CDKN2B-AS1: variants seen among roughly 807,000 people sequenced by gnomAD.
The protein encoded by CDKN2B-AS1 is CDKN2B antisense RNA 1 (non-protein coding).
At position 22,112,732 on chromosome 9, in the gene CDKN2B-AS1, T is replaced by C. The variant is rs570892210; in HGVS notation, n.439-14371T>C. The stretch of plus-strand genomic sequence containing the variant: ...AAACTATTATAGCAAAATTTAATCT[T>C]ATAATAATTTCTTCTTGAACTATGT... On this transcript the variant is annotated intron_variant and non_coding_transcript_variant, in intron 4 of 4. Transcript: ENST00000650946. 5.9e-5 allele frequency among the ~76,000 whole-genome samples: 9 copies of C among 152,304 alleles called. No individual in the cohort carries two copies. In the East Asian group the frequency reaches 1.5e-3, roughly 26 times the overall value.
intron 1 of CDKN2B-AS1, among the ~76,000 whole-genome samples, chr9:22,010,413 A>G (rs495490): frequency 0.067 from 10,212 of 152,286 alleles, 463 homozygotes; most frequent in Non-Finnish European, 0.1. Context: ...AAAGTGAACA[A>G]TTTTTGTTTA....
At chr9:22,058,198 A>G (rs917998245) in intron 4 of CDKN2B-AS1, among the ~76,000 whole-genome samples, 1 of 152,218 alleles carries the variant, frequency 6.6e-6, no homozygotes. Flanking sequence ...CCATCTCAAA[A>G]ATGAAACAAA....
chr9:22,012,200 G>A (rs1821537851), intron 1 of CDKN2B-AS1: 1 of 1,401,026 alleles, frequency 7.1e-7, no homozygotes, highest in Non-Finnish European at 1.0e-6. Context: ...CATCACCCTT[G>A]AGGTCGAGCC....
At chr9:22,118,123 C>T (rs934697356) in intron 4 of CDKN2B-AS1, 3 of 152,224 alleles carry the variant, frequency 2.0e-5, no homozygotes, top group Non-Finnish European at 4.4e-5. Flanking sequence ...GAGAGTTGCC[C>T]AGGGTGGGGC....
In CDKN2B-AS1 at chr9:22,039,739, A is replaced by C. The variant is rs1822826658; in HGVS notation, n.30-7012A>C. On this transcript the variant is annotated intron_variant and non_coding_transcript_variant, in intron 1 of 4. Coordinates refer to ENST00000650946, the Ensembl canonical transcript of CDKN2B-AS1. This position sits in a 1 kb window ranked among gnomAD's most constrained non-coding sequence, Gnocchi z 4.4. ...TCTCAGCTCCTAAATAAACTTTGCCAAATCTTCAGGCCCTCAAAATTTTTT... is the reference window on the plus strand; with the variant it reads ...TCTCAGCTCCTAAATAAACTTTGCCCAATCTTCAGGCCCTCAAAATTTTTT... Among the ~76,000 whole-genome samples, 1 of 152,042 alleles carries C rather than the reference A, an allele frequency of 6.6e-6. No homozygotes were observed. The highest frequency in any genetic ancestry group is 1.5e-5 in the Non-Finnish European group (1 of 67,952).
At chr9:22,096,940 C>T (rs1251302080) in intron 4 of CDKN2B-AS1, among the ~76,000 whole-genome samples, 1 of 152,060 alleles carries the variant, frequency 6.6e-6, no homozygotes, top group Non-Finnish European at 1.5e-5. Flanking sequence ...CCCAGAGATC[C>T]CTGCCCTTAT....
At position 22,042,978 on chromosome 9, in the gene CDKN2B-AS1, C is replaced by T. The variant is rs77976723; in HGVS notation, n.30-3773C>T. On this transcript the variant is annotated intron_variant and non_coding_transcript_variant, in intron 1 of 4. Transcript: ENST00000650946. ...TAGAGTTTTATGATATTCCTGTTAA[C>T]AGGCTGTCATTGTAACACTGTTTAT... Among the ~76,000 whole-genome samples the T allele has an allele frequency of 5.2e-3, 789 of 152,200 alleles. 9 individuals are homozygous for T. Among genetic ancestry groups the T allele is most frequent in the African/African-American group, 0.018 (737 of 41,550 alleles).
chr9:22,090,993 T>G (rs1343814914), intron 4 of CDKN2B-AS1, among the ~76,000 whole-genome samples: 1 of 152,206 alleles, frequency 6.6e-6, no homozygotes, highest in East Asian at 1.9e-4. Context: ...CATCTTGAAC[T>G]AATTTTTGTA....
intron 4 of CDKN2B-AS1, among the ~76,000 whole-genome samples, chr9:22,071,209 C>T (rs1358753402): frequency 6.8e-6 from 1 of 147,594 alleles, no homozygotes; most frequent in Non-Finnish European, 1.5e-5. Flanking sequence ...AAGTGACTTG[C>T]CACCAAATGG....
intron 1 of CDKN2B-AS1, chr9:22,012,138 G>A (rs564495113): frequency 5.7e-5 from 65 of 1,135,988 alleles, no homozygotes; most frequent in Non-Finnish European, 7.7e-5. Context: ...CGAGGCAGCC[G>A]AGCTGCAGAC....
chr9:22,115,912 A>G (rs1406610058), intron 4 of CDKN2B-AS1, among the ~76,000 whole-genome samples: 2 of 152,208 alleles, frequency 1.3e-5, no homozygotes, highest in African/African-American at 4.8e-5. Context: ...GAGAACTCAA[A>G]GATACTTAGC....
chr9:22,051,736 C>T (rs763819001), intron 3 of CDKN2B-AS1, among the ~76,000 whole-genome samples: 9 of 152,014 alleles, frequency 5.9e-5, no homozygotes, highest in Non-Finnish European at 1.3e-4. Flanking sequence ...TTTGTGGAGA[C>T]TCATAAAATG....
intron 4 of CDKN2B-AS1, among the ~76,000 whole-genome samples, chr9:22,064,728 G>A (rs1366468915): frequency 6.6e-6 from 1 of 152,122 alleles, no homozygotes; most frequent in East Asian, 1.9e-4. Flanking sequence ...CCTCCTGTGT[G>A]CACGGTGGAG....
chr9:22,105,755 A>G (rs542837758), intron 4 of CDKN2B-AS1, among the ~76,000 whole-genome samples: 1 of 152,346 alleles, frequency 6.6e-6, no homozygotes, highest in South Asian at 2.1e-4. Context: ...TGGGCCCAGA[A>G]ATACTGTTGT....
chr9:22,064,693 G>A (rs1823969077), intron 4 of CDKN2B-AS1, among the ~76,000 whole-genome samples: 1 of 152,128 alleles, frequency 6.6e-6, no homozygotes, highest in Non-Finnish European at 1.5e-5. Context: ...GGAGCCTGGG[G>A]TCTTGAGGAT....
exon 5 of CDKN2B-AS1, among the ~76,000 whole-genome samples, chr9:22,127,765 A>C (rs1391670006): frequency 6.6e-6 from 1 of 152,194 alleles, no homozygotes; most frequent in African/African-American, 2.4e-5. Context: ...TGAGATGTTG[A>C]ACCATGAAAA....
intron 1 of CDKN2B-AS1, among the ~76,000 whole-genome samples, chr9:22,044,972 C>T (rs902183974): frequency 3.3e-5 from 5 of 150,516 alleles, no homozygotes; most frequent in Admixed American, 2.6e-4. Flanking sequence ...TTCATATGAT[C>T]AATACTTATT....
chr9:22,107,233 G>A (rs934923762), intron 4 of CDKN2B-AS1, among the ~76,000 whole-genome samples: 2 of 152,184 alleles, frequency 1.3e-5, no homozygotes, highest in Admixed American at 6.5e-5. Flanking sequence ...GAAACTAGCG[G>A]CAATCATCCT....
At chr9:22,111,362 T>C (rs577924750) in intron 4 of CDKN2B-AS1, among the ~76,000 whole-genome samples, 2 of 152,292 alleles carry the variant, frequency 1.3e-5, no homozygotes, top group Admixed American at 6.5e-5. Flanking sequence ...AAGGAAGGTC[T>C]GGAGAATTTA....
Sources: gnomAD v4.1 joint callset for allele counts (sites outside exome capture counted in the v4.1 genomes callset) on GRCh38, gnomAD v4.1.1 for gene constraint, Gnocchi (gnomAD v3.1) non-coding constraint, MANE v1.5 for transcripts, NCBI Gene and HGNC (gene_info 2026-07-23, HGNC 2026-07-21) for gene names.